Variants in TBC1D19 observed in about 807,000 individuals in gnomAD.
TBC1D19 encodes TBC1 domain family member 19.
Under a neutral mutation model 89.0 loss-of-function variants are expected in TBC1D19, and 60 were observed. The observed-to-expected ratio is 0.67, with a 90% CI of 0.55 to 0.84. The LOEUF (loss-of-function observed/expected upper bound fraction) is 0.84. Among genes scored for constraint, TBC1D19 ranks in the 40% least tolerant of loss-of-function variants. TBC1D19 has a pLI of 0.00. For missense variants in TBC1D19, 500 were observed against 610.8 expected (o/e 0.82, Z 1.91); for synonymous variants, 189 against 199.7 (o/e 0.95, Z 0.45).
the TBC1D19 span, among the ~76,000 whole-genome samples, chr4:26,794,000 AG>A: frequency 6.6e-6 from 1 of 152,176 alleles, no homozygotes; most frequent in African/African-American, 2.4e-5. Context: ...CTGATTAGCT[AG>A]TCTTGAGTTA....
At chr4:26,716,617 T>C (rs1716629286) in intron 13 of TBC1D19, among the ~76,000 whole-genome samples, 1 of 152,104 alleles carries the variant, frequency 6.6e-6, no homozygotes, top group Non-Finnish European at 1.5e-5. Flanking sequence ...TTCTGCAACA[T>C]AAAAATGTGT....
At chr4:26,707,834 G>T (rs1323965220) in intron 13 of TBC1D19, among the ~76,000 whole-genome samples, 2 of 151,548 alleles carry the variant, frequency 1.3e-5, no homozygotes, top group Admixed American at 1.3e-4. Context: ...ATTACTTTAC[G>T]GCTCTATCCT....
chr4:26,836,478 G>T, the TBC1D19 span, among the ~76,000 whole-genome samples: 2 of 152,172 alleles, frequency 1.3e-5, no homozygotes, highest in African/African-American at 4.8e-5. Flanking sequence ...GTTTGTACTG[G>T]GCCCTTGTCC....
downstream of TBC1D19, among the ~76,000 whole-genome samples, chr4:26,757,586 T>A (rs148698177): frequency 5.3e-3 from 801 of 152,350 alleles, 7 homozygotes; most frequent in African/African-American, 0.018. Context: ...ATGGTTTTGT[T>A]GAGAATGCTC....
upstream of TBC1D19, among the ~76,000 whole-genome samples, chr4:26,580,494 T>G (rs187443824): frequency 8.7e-4 from 133 of 152,310 alleles, no homozygotes; most frequent in Middle Eastern, 3.4e-3. Context: ...CCTGGGGTCT[T>G]GTGCCAACAA....
At chr4:26,806,485 A>C in the TBC1D19 span, among the ~76,000 whole-genome samples, 1 of 152,260 alleles carries the variant, frequency 6.6e-6, no homozygotes, top group Non-Finnish European at 1.5e-5. Flanking sequence ...TCATGGAATT[A>C]CAGTGACTCA....
At chr4:26,832,800 C>A in the TBC1D19 span, among the ~76,000 whole-genome samples, 1 of 152,086 alleles carries the variant, frequency 6.6e-6, no homozygotes, top group East Asian at 1.9e-4. Flanking sequence ...CAGAGACCAG[C>A]CTGGCAAACA....
chr4:26,696,763 G>A (rs537524890), intron 13 of TBC1D19, among the ~76,000 whole-genome samples: 1 of 152,284 alleles, frequency 6.6e-6, no homozygotes, highest in Admixed American at 6.5e-5. Flanking sequence ...TGACTACTGG[G>A]TACATAACGA....
At chr4:26,841,742 T>G in the TBC1D19 span, among the ~76,000 whole-genome samples, 1 of 152,220 alleles carries the variant, frequency 6.6e-6, no homozygotes, top group Non-Finnish European at 1.5e-5. Flanking sequence ...GAACCTTTTC[T>G]TTCTCCTTTT....
intron 1 of TBC1D19, among the ~76,000 whole-genome samples, chr4:26,591,616 G>A (rs908170179): frequency 1.3e-5 from 2 of 152,244 alleles, no homozygotes; most frequent in African/African-American, 4.8e-5. Flanking sequence ...AGAAAAGAGA[G>A]AAGAATCAAA....
chr4:26,592,658 A>G (rs1739896302), intron 1 of TBC1D19, among the ~76,000 whole-genome samples: 3 of 152,032 alleles, frequency 2.0e-5, no homozygotes, highest in South Asian at 4.2e-4. Flanking sequence ...TACAAAATCA[A>G]TGTACAAAAA....
chr4:26,774,513 G>C, the TBC1D19 span, among the ~76,000 whole-genome samples: 248 of 152,226 alleles, frequency 1.6e-3, no homozygotes, highest in African/African-American at 5.7e-3. Context: ...CAGCGTACTG[G>C]TCTTGAACAT....
At chr4:26,670,609 AT>A (rs905382949) in intron 9 of TBC1D19, among the ~76,000 whole-genome samples, 1 of 151,764 alleles carries the variant, frequency 6.6e-6, no homozygotes, top group Non-Finnish European at 1.5e-5. Flanking sequence ...TAGTATACAA[AT>A]CACGTATATA....
At chr4:26,689,907 T>C (rs1346809073) in intron 13 of TBC1D19, among the ~76,000 whole-genome samples, 4 of 152,196 alleles carry the variant, frequency 2.6e-5, no homozygotes, top group African/African-American at 9.6e-5. Flanking sequence ...AATCAAAAGC[T>C]AGAAATGATT....
intron 1 of TBC1D19, among the ~76,000 whole-genome samples, chr4:26,599,469 TAA>T (rs933692591): frequency 1.3e-5 from 2 of 152,180 alleles, no homozygotes; most frequent in Admixed American, 1.3e-4. Flanking sequence ...CAGCCAAATA[TAA>T]GTGATTTTTA....
intron 1 of TBC1D19, among the ~76,000 whole-genome samples, chr4:26,600,840 C>A (rs1740541650): frequency 1.3e-5 from 2 of 152,146 alleles, no homozygotes; most frequent in Admixed American, 6.5e-5. Flanking sequence ...TTATTCCTGG[C>A]TACAATGTGT....
chr4:26,780,453 G>A, the TBC1D19 span, among the ~76,000 whole-genome samples: 1 of 152,178 alleles, frequency 6.6e-6, no homozygotes, highest in Non-Finnish European at 1.5e-5. Context: ...GAGGCAATGT[G>A]GCTCAGAGAT....
chr4:26,656,392 G>A (rs1744807830), intron 7 of TBC1D19, among the ~76,000 whole-genome samples: 1 of 151,872 alleles, frequency 6.6e-6, no homozygotes, highest in African/African-American at 2.4e-5. Context: ...TCCTTCTAAT[G>A]AGTTATTTGT....
rs1450312341 is a variant in TBC1D19 at position 26,701,465 on chromosome 4, C to T, written c.954+13058C>T. Among the ~76,000 whole-genome samples the T allele has an allele frequency of 2.6e-5, 4 of 151,884 alleles. No individual in the cohort carries two copies. In the East Asian group the frequency reaches 5.8e-4, roughly 22 times the overall value. On this transcript the variant is annotated intron_variant, in intron 13 of 20. Coordinates refer to ENST00000264866, the MANE Select transcript of TBC1D19 (RefSeq NM_018317.4). ...CGGGTAAATTCTTAAGTATTTTGGT[C>T]CTTATTGTTAATTCCAATGCCTAGT...
Sources: gnomAD v4.1 joint callset for allele counts (sites outside exome capture counted in the v4.1 genomes callset) on GRCh38, gnomAD v4.1.1 for gene constraint, MANE v1.5 for transcripts, NCBI Gene and HGNC (gene_info 2026-07-23, HGNC 2026-07-21) for gene names.